Variants in GABRB2 observed in about 807,000 individuals in gnomAD.
The protein encoded by GABRB2 is gamma-aminobutyric acid receptor subunit beta-2.
GABRB2 carries 16 observed loss-of-function variants against 54.7 expected under a neutral mutation model. The ratio of observed to expected loss-of-function variants is 0.29; its 90% CI spans 0.20 to 0.44. The LOEUF (loss-of-function observed/expected upper bound fraction) is 0.44, where lower values mean the gene tolerates loss of function less well. Among genes scored for constraint, GABRB2 ranks in the 20% least tolerant of loss-of-function variants. The probability of loss-of-function intolerance (pLI) is 1.00; values close to 1 mark genes in which losing one functional copy is unlikely to be tolerated. For missense variants in GABRB2, 355 were observed against 644.0 expected (o/e 0.55, Z 4.86); for synonymous variants, 244 against 233.8 (o/e 1.04, Z -0.40).
At chr5:161,419,689 G>C (rs1359991811) in intron 4 of GABRB2, among the ~76,000 whole-genome samples, 2 of 152,204 alleles carry the variant, frequency 1.3e-5, no homozygotes, top group East Asian at 3.8e-4. Flanking sequence ...CCATTATCCT[G>C]AGTGAAATAA....
At chr5:161,412,100 C>T (rs1046667646) in intron 4 of GABRB2, among the ~76,000 whole-genome samples, 2 of 152,156 alleles carry the variant, frequency 1.3e-5, no homozygotes, top group Admixed American at 1.3e-4. Context: ...GATATAGCTC[C>T]AGCTTGGGAG....
chr5:161,449,725 C>T (rs966514115), intron 4 of GABRB2, among the ~76,000 whole-genome samples: 3 of 151,958 alleles, frequency 2.0e-5, no homozygotes, highest in South Asian at 2.1e-4. Context: ...TATATACAAA[C>T]ATATCTACAG....
At chr5:161,477,099 C>T (rs527467467) in intron 3 of GABRB2, among the ~76,000 whole-genome samples, 57 of 151,670 alleles carry the variant, frequency 3.8e-4, no homozygotes, top group Admixed American at 1.1e-3. Flanking sequence ...GAACAAACAA[C>T]GTGATTAAAA....
intron 3 of GABRB2, among the ~76,000 whole-genome samples, chr5:161,498,130 T>C (rs1485485217): frequency 6.6e-6 from 1 of 152,156 alleles, no homozygotes; most frequent in African/African-American, 2.4e-5. Flanking sequence ...AGGCTTTCCA[T>C]GGATCTTTGA....
At chr5:161,413,294 G>T (rs1227466781) in intron 4 of GABRB2, among the ~76,000 whole-genome samples, 2 of 151,996 alleles carry the variant, frequency 1.3e-5, no homozygotes, top group African/African-American at 4.8e-5. Flanking sequence ...AAATTAGAAT[G>T]TGTCTTAGGT....
chr5:161,420,944 T>G (rs947484219), intron 4 of GABRB2, among the ~76,000 whole-genome samples: 2 of 152,140 alleles, frequency 1.3e-5, no homozygotes, highest in African/African-American at 2.4e-5. Flanking sequence ...TCCTACCACC[T>G]TAAATGAACT....
At chr5:161,499,584 T>C (rs1321184133) in intron 3 of GABRB2, among the ~76,000 whole-genome samples, 1 of 152,194 alleles carries the variant, frequency 6.6e-6, no homozygotes, top group African/African-American at 2.4e-5. Context: ...ACCATACTTG[T>C]TAATGGCCAT....
chr5:161,289,250 G>C lies in GABRB2; in HGVS notation c.*4831C>G, dbSNP rs867558546. The C allele has an allele frequency of 3.1e-5, 1 of 32,678 alleles. No individual in the cohort carries two copies. Among genetic ancestry groups the C allele is most frequent in the Non-Finnish European group, 6.1e-5 (1 of 16,474 alleles). The allele number at this position is 32,678 out of a possible 1,614,324, so 2.0% of individuals were successfully genotyped here. A position where few individuals can be genotyped will look rare whatever the true frequency, so the allele number is the denominator to read the frequency against. Reference sequence around the variant, plus strand: ...AGTGCTGCTTTTTTTTTTTTTTTTTGTACAGATTTCTTTAGGGCAGTATCT... The same window carrying C: ...AGTGCTGCTTTTTTTTTTTTTTTTTCTACAGATTTCTTTAGGGCAGTATCT... On this transcript the variant is annotated 3_prime_UTR_variant, in exon 10 of 10. Transcript: ENST00000393959.
intron 3 of GABRB2, among the ~76,000 whole-genome samples, chr5:161,487,430 C>T (rs948421459): frequency 1.3e-5 from 2 of 151,838 alleles, no homozygotes; most frequent in African/African-American, 2.4e-5. Flanking sequence ...AAATGCCATG[C>T]ATGATCAATT....
At chr5:161,540,990 C>A (rs1760793878) in intron 3 of GABRB2, among the ~76,000 whole-genome samples, 1 of 152,154 alleles carries the variant, frequency 6.6e-6, no homozygotes, top group African/African-American at 2.4e-5. Context: ...GGACTACAGG[C>A]ACATGCCACC....
intron 9 of GABRB2, among the ~76,000 whole-genome samples, chr5:161,301,983 AT>A (rs1757554022): frequency 6.6e-6 from 1 of 152,196 alleles, no homozygotes; most frequent in Admixed American, 6.5e-5. Flanking sequence ...ATCTGGAATT[AT>A]TGTGCTTATC....
At chr5:161,487,337 G>A (rs1758957120) in intron 3 of GABRB2, among the ~76,000 whole-genome samples, 1 of 151,830 alleles carries the variant, frequency 6.6e-6, no homozygotes. Context: ...GTACAAATTG[G>A]ACTGGAGCAG....
intron 5 of GABRB2, among the ~76,000 whole-genome samples, chr5:161,405,653 A>G (rs115361435): frequency 0.011 from 1,687 of 152,180 alleles, 33 homozygotes; most frequent in African/African-American, 0.038. Flanking sequence ...CTAAGGTGCT[A>G]TCGACGTTTA....
intron 3 of GABRB2, among the ~76,000 whole-genome samples, chr5:161,470,015 T>G (rs539150289): frequency 6.6e-6 from 1 of 152,022 alleles, no homozygotes; most frequent in South Asian, 2.1e-4. Flanking sequence ...TTTCCTGATC[T>G]TTTGCTTGAA....
At chr5:161,326,305 A>G in intron 9 of GABRB2, 63 bp downstream of exon 9, 1 of 1,598,202 alleles carries the variant, frequency 6.3e-7, no homozygotes, top group Non-Finnish European at 8.5e-7. Flanking sequence ...TTTTAAGGGA[A>G]CAGCTAAACA....
chr5:161,323,634 A>G (rs1416862860), intron 9 of GABRB2, among the ~76,000 whole-genome samples: 2 of 152,022 alleles, frequency 1.3e-5, no homozygotes, highest in African/African-American at 4.8e-5. Flanking sequence ...TTTATTATTG[A>G]TGGCTTTTGG....
chr5:161,472,656 A>T (rs1758477632), intron 3 of GABRB2, among the ~76,000 whole-genome samples: 1 of 151,996 alleles, frequency 6.6e-6, no homozygotes, highest in South Asian at 2.1e-4. Flanking sequence ...GTGTTAAATT[A>T]TTAAAGCATC....
At chr5:161,438,246 ACT>A (rs1272721049) in intron 4 of GABRB2, among the ~76,000 whole-genome samples, 1 of 152,082 alleles carries the variant, frequency 6.6e-6, no homozygotes, top group African/African-American at 2.4e-5. Flanking sequence ...AGAGAACAAG[ACT>A]CTGCCTGGTA....
intron 9 of GABRB2, among the ~76,000 whole-genome samples, chr5:161,307,757 G>C (rs910780263): frequency 1.3e-5 from 2 of 151,916 alleles, no homozygotes; most frequent in African/African-American, 4.8e-5. Flanking sequence ...TTTGTTAGAC[G>C]TGTAACAAAA....
Sources: allele counts gnomAD v4.1 joint callset (sites outside exome capture counted in the v4.1 genomes callset), GRCh38; gene constraint gnomAD v4.1.1; transcripts MANE v1.5; gene names NCBI Gene and HGNC (gene_info 2026-07-23, HGNC 2026-07-21).